Variants in ANKS1B observed in about 807,000 individuals in gnomAD.
ANKS1B encodes the protein ankyrin repeat and sterile alpha motif domain containing 1B, also known as ankyrin repeat and sterile alpha motif domain-containing protein 1B.
A neutral mutation model predicts 148.3 loss-of-function variants in ANKS1B; 36 were observed. The observed-to-expected ratio is 0.24, with a 90% CI of 0.19 to 0.32. The LOEUF (loss-of-function observed/expected upper bound fraction) is 0.32. Ranked by LOEUF, ANKS1B falls within the 10% of genes least tolerant of loss-of-function variation. The probability of loss-of-function intolerance (pLI) is 1.00; values close to 1 mark genes in which losing one functional copy is unlikely to be tolerated. For missense variants in ANKS1B, 1,157 were observed against 1,542.6 expected, an observed-to-expected ratio of 0.75 and a Z score of 4.19; for synonymous variants, 542 against 560.8, an observed-to-expected ratio of 0.97 and a Z score of 0.47.
At chr12:99,262,134 A>G (rs917773530) in intron 12 of ANKS1B, among the ~76,000 whole-genome samples, 2 of 152,120 alleles carry the variant, frequency 1.3e-5, no homozygotes, top group Admixed American at 6.6e-5. Flanking sequence ...ACCTTACTTC[A>G]TAATTTTTTC....
chr12:99,882,009 A>C (rs2092535662), intron 1 of ANKS1B, among the ~76,000 whole-genome samples: 1 of 152,252 alleles, frequency 6.6e-6, no homozygotes, highest in African/African-American at 2.4e-5. Flanking sequence ...CCTGACAAAG[A>C]TGTCAAAGCA....
chr12:99,366,724 A>G (rs2092790841), intron 12 of ANKS1B, among the ~76,000 whole-genome samples: 1 of 152,202 alleles, frequency 6.6e-6, no homozygotes, highest in Non-Finnish European at 1.5e-5. Context: ...AAAAAATAAA[A>G]CCATATAAGA....
chr12:99,502,848 C>A (rs1348610642), intron 10 of ANKS1B, among the ~76,000 whole-genome samples: 2 of 152,180 alleles, frequency 1.3e-5, no homozygotes, highest in African/African-American at 4.8e-5. Flanking sequence ...GATTCATTAA[C>A]ACCCTAGCCT....
chr12:99,865,121 C>G (rs958197106), intron 1 of ANKS1B, among the ~76,000 whole-genome samples: 13 of 152,212 alleles, frequency 8.5e-5, no homozygotes, highest in African/African-American at 2.9e-4. Context: ...AAATAATATA[C>G]TTTCCCTTCA....
chr12:98,878,551 G>A (rs910823054), intron 17 of ANKS1B, among the ~76,000 whole-genome samples: 1 of 152,158 alleles, frequency 6.6e-6, no homozygotes, highest in Admixed American at 6.5e-5. Context: ...TATTTTGTTT[G>A]TTCAATTCCT....
intron 12 of ANKS1B, among the ~76,000 whole-genome samples, chr12:99,322,401 G>A (rs2085447337): frequency 1.3e-5 from 2 of 150,306 alleles, no homozygotes; most frequent in Admixed American, 1.3e-4. Flanking sequence ...GTCAATAGGT[G>A]CAGCAAACCA....
At chr12:99,776,206 A>C (rs1487166739) in intron 6 of ANKS1B, among the ~76,000 whole-genome samples, 1 of 152,180 alleles carries the variant, frequency 6.6e-6, no homozygotes, top group Non-Finnish European at 1.5e-5. Context: ...CATTGCCATT[A>C]TTCTTGAAGT....
intron 16 of ANKS1B, among the ~76,000 whole-genome samples, chr12:99,067,448 T>C (rs2153577724): frequency 6.6e-6 from 1 of 152,304 alleles, no homozygotes; most frequent in East Asian, 1.9e-4. Context: ...ATTTGGCACC[T>C]TCAGTGAGTA....
At chr12:98,836,431 G>C (rs1229459936) in intron 17 of ANKS1B, among the ~76,000 whole-genome samples, 2 of 152,196 alleles carry the variant, frequency 1.3e-5, no homozygotes, top group African/African-American at 4.8e-5. Context: ...GAGTGGTAGA[G>C]AGGGTGACAG....
At chr12:99,514,080 A>G (rs78855335) in intron 9 of ANKS1B, among the ~76,000 whole-genome samples, 3,870 of 152,180 alleles carry the variant, frequency 0.025, 80 homozygotes, top group South Asian at 0.087. Context: ...AAGATAGGAA[A>G]GAAGAAACAA....
intron 8 of ANKS1B, among the ~76,000 whole-genome samples, chr12:99,733,426 T>A (rs1012686946): frequency 3.9e-5 from 6 of 152,108 alleles, no homozygotes; most frequent in African/African-American, 1.4e-4. Context: ...GATACGACAA[T>A]AAATTTGGTG....
chr12:99,363,073 A>T (rs370406172), intron 12 of ANKS1B, among the ~76,000 whole-genome samples: 1 of 152,066 alleles, frequency 6.6e-6, no homozygotes, highest in East Asian at 1.9e-4. Flanking sequence ...TATTGCAAAG[A>T]TTAGGCAAAT....
At chr12:99,062,397 G>A (rs2042743257) in intron 16 of ANKS1B, among the ~76,000 whole-genome samples, 1 of 152,176 alleles carries the variant, frequency 6.6e-6, no homozygotes, top group African/African-American at 2.4e-5. Context: ...ACTTTGTAGT[G>A]TGAGAAGAGA....
At chr12:99,415,608 C>T (rs2094872385) in intron 11 of ANKS1B, among the ~76,000 whole-genome samples, 1 of 152,150 alleles carries the variant, frequency 6.6e-6, no homozygotes, top group African/African-American at 2.4e-5. Flanking sequence ...CCTCAGTGGG[C>T]ACATCTCACA....
intron 9 of ANKS1B, among the ~76,000 whole-genome samples, chr12:99,590,279 C>CCCAT: frequency 1.3e-5 from 2 of 151,458 alleles, no homozygotes; most frequent in Admixed American, 1.3e-4. Context: ...CACACACACA[C>CCCAT]ACACACACAC....
At chr12:99,881,241 G>A (rs1049793312) in intron 1 of ANKS1B, among the ~76,000 whole-genome samples, 8 of 152,156 alleles carry the variant, frequency 5.3e-5, no homozygotes, top group African/African-American at 1.7e-4. Context: ...AGAGAGTGGG[G>A]GAAATTCCAG....
intron 17 of ANKS1B, among the ~76,000 whole-genome samples, chr12:99,003,387 A>G (rs1057293065): frequency 2.6e-5 from 4 of 152,186 alleles, no homozygotes; most frequent in African/African-American, 7.2e-5. Context: ...AGATTTTAAT[A>G]GGAATTGCAC....
At chr12:99,150,510 G>T (rs1339366488) in intron 15 of ANKS1B, among the ~76,000 whole-genome samples, 1 of 152,066 alleles carries the variant, frequency 6.6e-6, no homozygotes, top group African/African-American at 2.4e-5. Flanking sequence ...ATAAAAGACA[G>T]CAGGGAAGGA....
chr12:99,846,092 A>G (rs976406268), intron 1 of ANKS1B, among the ~76,000 whole-genome samples: 6 of 152,028 alleles, frequency 3.9e-5, no homozygotes, highest in Non-Finnish European at 8.8e-5. Flanking sequence ...TTGCCTATCC[A>G]TTTATTTTCC....
Sources: allele counts gnomAD v4.1 joint callset (sites outside exome capture counted in the v4.1 genomes callset), GRCh38; gene constraint gnomAD v4.1.1; transcripts MANE v1.5; gene names NCBI Gene and HGNC (gene_info 2026-07-23, HGNC 2026-07-21).